Variants in RTN4RL1 observed in about 807,000 individuals in gnomAD.
The protein encoded by RTN4RL1 is reticulon-4 receptor-like 1.
A neutral mutation model predicts 25.6 loss-of-function variants in RTN4RL1; 7 were observed. The ratio of observed to expected loss-of-function variants is 0.27; its 90% confidence interval spans 0.16 to 0.51. The LOEUF is 0.51. Among genes scored for constraint, RTN4RL1 ranks in the 20% least tolerant of loss-of-function variants. The pLI, the probability that RTN4RL1 is intolerant of heterozygous loss-of-function variation, is 0.97. For missense variants in RTN4RL1, 500 were observed against 615.6 expected (o/e 0.81, Z 1.99); for synonymous variants, 297 against 288.2 (o/e 1.03, Z -0.31).
intron 1 of RTN4RL1, among the ~76,000 whole-genome samples, chr17:1,938,359 G>T (rs1414957221): frequency 6.6e-6 from 1 of 151,940 alleles, no homozygotes; most frequent in Non-Finnish European, 1.5e-5. Context: ...CTGGAGTGCA[G>T]TGGCGGGATC....
At chr17:1,975,657 G>T (rs986072640) in intron 1 of RTN4RL1, among the ~76,000 whole-genome samples, 18 of 151,932 alleles carry the variant, frequency 1.2e-4, no homozygotes, top group African/African-American at 4.4e-4. Flanking sequence ...ACTCAAAAAA[G>T]AAAAAGAAAG....
intron 1 of RTN4RL1, among the ~76,000 whole-genome samples, chr17:2,010,306 AAT>A (rs1184005260): frequency 7.4e-6 from 1 of 135,108 alleles, no homozygotes; most frequent in Admixed American, 7.8e-5. Context: ...AAAATAAAAA[AAT>A]AATAATAAAA....
chr17:1,939,276 C>T (rs895259751), intron 1 of RTN4RL1, among the ~76,000 whole-genome samples: 3 of 152,014 alleles, frequency 2.0e-5, no homozygotes, highest in South Asian at 2.1e-4. Context: ...TAGCGTGAAC[C>T]CGGGAGGTGG....
chr17:2,013,818 A>G (rs1029030277), intron 1 of RTN4RL1, among the ~76,000 whole-genome samples: 1 of 148,552 alleles, frequency 6.7e-6, no homozygotes, highest in African/African-American at 2.5e-5. Context: ...ACCCTGGAAC[A>G]TAAATACCCC....
At position 1,936,690 on chromosome 17, in the gene RTN4RL1, G is replaced by T; in HGVS notation, c.1132C>A (p.Pro378Thr). Residue 378 changes from proline to threonine, a missense_variant, in exon 2 of 2, where the codon CCA becomes ACA. Transcript: ENST00000331238. Reference sequence around the variant, plus strand: ...TGCTGGTAGTCTGGGGCATAGTCTGGCAGCTCGGGGGCCTGTTTCCCGGCG... The same window carrying T: ...TGCTGGTAGTCTGGGGCATAGTCTGTCAGCTCGGGGGCCTGTTTCCCGGCG... ...AGAGKQAPEL[P>T]DYAPDYQHKF... 6.3e-7 allele frequency: 1 copy of T among 1,583,428 alleles called. No individual in the cohort carries two copies. Among genetic ancestry groups the T allele is most frequent in the Non-Finnish European group, 8.6e-7 (1 of 1,166,582 alleles).
At chr17:1,968,306 C>T (rs1303895104) in intron 1 of RTN4RL1, among the ~76,000 whole-genome samples, 3 of 152,128 alleles carry the variant, frequency 2.0e-5, no homozygotes, top group African/African-American at 7.2e-5. Flanking sequence ...TGACTACCAC[C>T]GCCTCCATCT....
chr17:2,020,497 T>C (rs545914399), intron 1 of RTN4RL1: 1 of 152,348 alleles, frequency 6.6e-6, no homozygotes, highest in African/African-American at 2.4e-5. Flanking sequence ...TCCTTCCCTT[T>C]GCCTTCCCTT....
chr17:2,007,337 A>ACACACACACACACACACACACACAC (rs1352398594), intron 1 of RTN4RL1, among the ~76,000 whole-genome samples: 2 of 140,306 alleles, frequency 1.4e-5, no homozygotes, highest in African/African-American at 5.4e-5. Context: ...TCACAGCCCC[A>ACACACACACACACACACACACACAC]ACACACACAC....
intron 1 of RTN4RL1, among the ~76,000 whole-genome samples, chr17:2,009,160 G>A (rs2151325453): frequency 6.6e-6 from 1 of 152,304 alleles, no homozygotes; most frequent in Admixed American, 6.5e-5. Flanking sequence ...GTATGCTGTG[G>A]AGTAAAAGGG....
At chr17:2,021,290 G>A (rs1031165037) in intron 1 of RTN4RL1, among the ~76,000 whole-genome samples, 14 of 152,084 alleles carry the variant, frequency 9.2e-5, no homozygotes, top group African/African-American at 1.4e-4. Flanking sequence ...TCCTCCTCTG[G>A]GGCTTCATAC....
At chr17:1,999,829 TC>T (rs980079023) in intron 1 of RTN4RL1, among the ~76,000 whole-genome samples, 13 of 152,228 alleles carry the variant, frequency 8.5e-5, no homozygotes, top group Non-Finnish European at 1.8e-4. Context: ...GCCACCTCCC[TC>T]CCGGCTTTTC....
At position 1,965,449 on chromosome 17, in the gene RTN4RL1, T is replaced by C. The variant is rs376560100; in HGVS notation, c.14-27641A>G. On this transcript the variant is annotated intron_variant, in intron 1 of 1. Coordinates refer to ENST00000331238, the MANE Select transcript of RTN4RL1 (RefSeq NM_178568.4). ...CTAATATGGCTACTAGAAAATCTAA[T>C]GTACCTGTGGCTGCACAGAGTTGGT... Among the ~76,000 whole-genome samples the C allele has an allele frequency of 1.1e-4, 16 of 152,312 alleles. No individual in the cohort carries two copies. The East Asian group carries it at 1.9e-3, about 18-fold the overall frequency.
chr17:1,968,123 G>A (rs1597500522), intron 1 of RTN4RL1, among the ~76,000 whole-genome samples: 1 of 152,132 alleles, frequency 6.6e-6, no homozygotes, highest in African/African-American at 2.4e-5. Context: ...ACCGTGACCT[G>A]TGCATATACT....
At chr17:1,971,872 G>A (rs2066821316) in intron 1 of RTN4RL1, among the ~76,000 whole-genome samples, 1 of 150,056 alleles carries the variant, frequency 6.7e-6, no homozygotes, top group Non-Finnish European at 1.5e-5. Flanking sequence ...TGAGGCAGGA[G>A]AATGGCATGA....
intron 1 of RTN4RL1, among the ~76,000 whole-genome samples, chr17:1,963,467 CA>C (rs1420116019): frequency 6.6e-6 from 1 of 152,226 alleles, no homozygotes; most frequent in Non-Finnish European, 1.5e-5. Context: ...CTCTGCCAGC[CA>C]GGCCTGTCCA....
At chr17:1,952,476 G>T (rs903814158) in intron 1 of RTN4RL1, among the ~76,000 whole-genome samples, 2 of 151,384 alleles carry the variant, frequency 1.3e-5, no homozygotes, top group African/African-American at 4.9e-5. Context: ...AGCTGGGATT[G>T]CGAATGCAGG....
In RTN4RL1 at chr17:2,025,085, G is replaced by A. The variant is rs922223756; in HGVS notation, c.-220C>T. ...CCCGCAAGCAACCGTGGTGCTGCCCGGCAGCCCCGCGCGCTTGCTCAGCCC... is the reference window on the plus strand; with the variant it reads ...CCCGCAAGCAACCGTGGTGCTGCCCAGCAGCCCCGCGCGCTTGCTCAGCCC... On this transcript the variant is annotated 5_prime_UTR_variant, in exon 1 of 2. Transcript: ENST00000331238. The surrounding 1 kb of genome is among the most constrained non-coding windows in gnomAD (Gnocchi z 4.8). The A allele has an allele frequency of 3.7e-5, 15 of 401,732 alleles. No individual in the cohort carries two copies. Among genetic ancestry groups the A allele is most frequent in the African/African-American group, 2.9e-4 (14 of 47,492 alleles). 24.9% of individuals were successfully genotyped at this position (401,732 alleles called of 1,614,324 possible).
At chr17:1,983,159 C>T (rs533250036) in intron 1 of RTN4RL1, among the ~76,000 whole-genome samples, 9 of 151,984 alleles carry the variant, frequency 5.9e-5, no homozygotes, top group Non-Finnish European at 1.3e-4. Context: ...CAAGCGATTA[C>T]AGTAGCTGGG....
chr17:1,968,840 C>T (rs2066804982), intron 1 of RTN4RL1, among the ~76,000 whole-genome samples: 1 of 152,210 alleles, frequency 6.6e-6, no homozygotes, highest in African/African-American at 2.4e-5. Context: ...GTTCATTCGA[C>T]CTGGCCTCAT....
Sources: gnomAD v4.1 joint callset for allele counts (sites outside exome capture counted in the v4.1 genomes callset) on GRCh38, gnomAD v4.1.1 for gene constraint, Gnocchi (gnomAD v3.1) non-coding constraint, MANE v1.5 for transcripts, NCBI Gene and HGNC (gene_info 2026-07-23, HGNC 2026-07-21) for gene names.